The following TBCEL variants were observed in gnomAD, a reference collection of about 807,000 sequenced individuals.
TBCEL encodes the protein tubulin-specific chaperone cofactor E-like protein.
TBCEL carries 15 observed loss-of-function variants against 44.2 expected under a neutral mutation model. The ratio of observed to expected loss-of-function variants is 0.34; its 90% CI spans 0.23 to 0.52. TBCEL has a LOEUF of 0.52. Ranked by LOEUF, TBCEL falls within the 20% of genes least tolerant of loss-of-function variation. The pLI is 0.95. For synonymous variants in TBCEL, 171 were observed against 185.4 expected, an observed-to-expected ratio of 0.92 and a Z score of 0.63; for missense variants, 319 against 506.3, an observed-to-expected ratio of 0.63 and a Z score of 3.55.
At chr11:121,051,387 T>G (rs528560731) in intron 4 of TBCEL, among the ~76,000 whole-genome samples, 1 of 151,954 alleles carries the variant, frequency 6.6e-6, no homozygotes, top group South Asian at 2.1e-4. Context: ...TGTTTTGTTT[T>G]TATTTAACTG....
intron 2 of TBCEL, among the ~76,000 whole-genome samples, chr11:121,038,455 A>C (rs576811679): frequency 4.7e-4 from 72 of 152,254 alleles, no homozygotes; most frequent in African/African-American, 1.7e-3. Flanking sequence ...ACAAAACAAA[A>C]ATTCCAGCTA....
At position 121,045,649 on chromosome 11, in the gene TBCEL, T is replaced by G. The variant is rs879037922; in HGVS notation, c.-17-25T>G. The G allele has an allele frequency of 3.3e-6, 5 of 1,528,566 alleles. No homozygotes were observed. In the South Asian group the frequency reaches 3.9e-5, roughly 12 times the overall value. The allele number at this position is 1,528,566 out of a possible 1,614,324, so 94.7% of individuals were successfully genotyped here. A position where few individuals can be genotyped will look rare whatever the true frequency, so the allele number is the denominator to read the frequency against. On this transcript the variant is annotated intron_variant, in intron 2 of 8. Coordinates refer to ENST00000683345, the MANE Select transcript of TBCEL (RefSeq NM_001363644.2). The stretch of plus-strand genomic sequence containing the variant: ...GTGAGTAAATACATAATTACATAAT[T>G]TGATTATTTCTTGGTTTCTTGTAGC...
rs150298116 is a variant in TBCEL at position 121,044,378 on chromosome 11, T to G, written c.-17-1296T>G. Among the ~76,000 whole-genome samples the G allele has an allele frequency of 1.4e-3, 209 of 152,216 alleles. 1 individual carries two copies. The highest frequency in any genetic ancestry group is 4.7e-3 in the African/African-American group (197 of 41,548). On this transcript the variant is annotated intron_variant, in intron 2 of 8. Transcript: ENST00000683345. ...AAACCTCCTAATGTGGTATACAAGA[T>G]CTCCTCTGAGGCTCCTAGTTAGATG...
intron 1 of TBCEL, among the ~76,000 whole-genome samples, chr11:121,027,520 C>T (rs1945067411): frequency 6.6e-6 from 1 of 152,178 alleles, no homozygotes; most frequent in Admixed American, 6.5e-5. Context: ...CTTCTACAGA[C>T]TTCCTCTACT....
chr11:121,069,548 T>C (rs1945885925), intron 8 of TBCEL, among the ~76,000 whole-genome samples: 1 of 152,142 alleles, frequency 6.6e-6, no homozygotes, highest in East Asian at 1.9e-4. Flanking sequence ...CCCAGCACTT[T>C]GGGAGGCCGA....
chr11:121,068,880 C>A (rs1945871761), intron 8 of TBCEL, among the ~76,000 whole-genome samples: 1 of 149,810 alleles, frequency 6.7e-6, no homozygotes, highest in Non-Finnish European at 1.5e-5. Context: ...GAGCAAGGCT[C>A]CGTCTCAAAA....
chr11:121,040,082 C>T (rs1453606236), intron 2 of TBCEL, among the ~76,000 whole-genome samples: 1 of 152,130 alleles, frequency 6.6e-6, no homozygotes, highest in Non-Finnish European at 1.5e-5. Context: ...TTTTCAAAAG[C>T]ACAAATCAGT....
At chr11:121,028,361 A>T (rs995970421) in intron 1 of TBCEL, among the ~76,000 whole-genome samples, 2 of 152,160 alleles carry the variant, frequency 1.3e-5, no homozygotes, top group Non-Finnish European at 2.9e-5. Flanking sequence ...AAAGTCACTG[A>T]CCTAGCCTGA....
intron 8 of TBCEL, among the ~76,000 whole-genome samples, chr11:121,068,152 C>T (rs1945855101): frequency 6.6e-6 from 1 of 152,216 alleles, no homozygotes; most frequent in Admixed American, 6.5e-5. Context: ...CCAGACGGCG[C>T]TTTCCAGCTG....
intron 7 of TBCEL, among the ~76,000 whole-genome samples, chr11:121,058,811 G>A (rs974090309): frequency 4.0e-5 from 6 of 151,876 alleles, no homozygotes; most frequent in Admixed American, 6.6e-5. Context: ...TATTTTCTCT[G>A]TTAACATGTT....
intron 8 of TBCEL, among the ~76,000 whole-genome samples, chr11:121,070,187 A>G (rs1454651012): frequency 6.6e-6 from 1 of 152,226 alleles, no homozygotes; most frequent in African/African-American, 2.4e-5. Flanking sequence ...GGCGATCATT[A>G]AAAAGTCAGG....
chr11:121,030,632 A>T (rs1005640733), intron 1 of TBCEL, among the ~76,000 whole-genome samples: 2 of 152,152 alleles, frequency 1.3e-5, no homozygotes, highest in African/African-American at 4.8e-5. Context: ...GTCAAATATA[A>T]CTTCCAAGAT....
At chr11:121,085,575 CAAG>C (rs1188016493) in intron 8 of TBCEL, among the ~76,000 whole-genome samples, 4 of 152,316 alleles carry the variant, frequency 2.6e-5, no homozygotes, top group Non-Finnish European at 5.9e-5. Context: ...AAAATGGAGT[CAAG>C]ACCCTGAAGA....
intron 8 of TBCEL, among the ~76,000 whole-genome samples, chr11:121,077,304 T>C (rs1946050491): frequency 6.6e-6 from 1 of 152,112 alleles, no homozygotes; most frequent in South Asian, 2.1e-4. Flanking sequence ...ATTAAATTTA[T>C]TTAATGGACA....
chr11:121,089,525 G>T lies in TBCEL; in HGVS notation c.*2429G>T, dbSNP rs1261137939. 6.6e-6 allele frequency: 1 copy of T among 152,140 alleles called. No individual in the cohort carries two copies. The highest frequency in any genetic ancestry group is 1.5e-5 in the Non-Finnish European group (1 of 68,004). The allele number at this position is 152,140 out of a possible 1,614,324, so 9.4% of individuals were successfully genotyped here. On this transcript the variant is annotated 3_prime_UTR_variant, in exon 9 of 9. Coordinates refer to ENST00000683345, the MANE Select transcript of TBCEL (RefSeq NM_001363644.2). ...TTACAGAACAGAAGTTAATGAAAAA[G>T]GCTATTTGAGCATGTGTACTTATAG...
chr11:121,034,952 A>T (rs1945204949), intron 1 of TBCEL, among the ~76,000 whole-genome samples: 1 of 152,144 alleles, frequency 6.6e-6, no homozygotes. Context: ...AAGCTCTTCC[A>T]ATTAAGGAGG....
chr11:121,033,993 T>A (rs1367607279), intron 1 of TBCEL, among the ~76,000 whole-genome samples: 1 of 152,180 alleles, frequency 6.6e-6, no homozygotes, highest in African/African-American at 2.4e-5. Context: ...CTGATAGTAT[T>A]TTATGTATCT....
At chr11:121,050,463 A>C (rs1591393340) in intron 4 of TBCEL, among the ~76,000 whole-genome samples, 2 of 151,764 alleles carry the variant, frequency 1.3e-5, no homozygotes, top group East Asian at 3.9e-4. Context: ...TGAGAGAAGT[A>C]ATACTTCTGG....
chr11:121,063,372 G>T (rs545883857), intron 8 of TBCEL, among the ~76,000 whole-genome samples: 1 of 152,070 alleles, frequency 6.6e-6, no homozygotes, highest in East Asian at 1.9e-4. Flanking sequence ...ATTCTTATCT[G>T]CCCTAATGCA....
Sources: gnomAD v4.1 joint callset for allele counts (sites outside exome capture counted in the v4.1 genomes callset) on GRCh38, gnomAD v4.1.1 for gene constraint, MANE v1.5 for transcripts, NCBI Gene and HGNC (gene_info 2026-07-23, HGNC 2026-07-21) for gene names.